The following PHRF1 variants were observed in gnomAD, a reference collection of about 807,000 sequenced individuals.
PHRF1 encodes the protein PHD and RING finger domain-containing protein 1.
Under a neutral mutation model 128.9 loss-of-function variants are expected in PHRF1, and 53 were observed. That is an observed-to-expected ratio of 0.41 (90% CI 0.33 to 0.52). The LOEUF (loss-of-function observed/expected upper bound fraction) is 0.52, where lower values mean the gene tolerates loss of function less well. Ranked by LOEUF, PHRF1 falls within the 20% of genes least tolerant of loss-of-function variation. The pLI is 0.21. For synonymous variants in PHRF1, 1,178 were observed against 980.6 expected, an observed-to-expected ratio of 1.20 and a Z score of -3.76; for missense variants, 2,503 against 2,284.5, an observed-to-expected ratio of 1.10 and a Z score of -1.95.
chr11:585,049 T>C (rs1854447855), intron 3 of PHRF1, among the ~76,000 whole-genome samples: 1 of 152,182 alleles, frequency 6.6e-6, no homozygotes, highest in Non-Finnish European at 1.5e-5. Flanking sequence ...GGACTGTTTT[T>C]TAAACATGAA....
chr11:578,585 A>G (rs1218950863), intron 1 of PHRF1, among the ~76,000 whole-genome samples: 2 of 152,180 alleles, frequency 1.3e-5, no homozygotes, highest in Non-Finnish European at 1.5e-5. Context: ...GGTGGTCCCC[A>G]ATCTCAGTGC....
At position 608,515 on chromosome 11, in the gene PHRF1, G is replaced by T; in HGVS notation, c.3059G>T (p.Gly1020Val). Residue 1020 changes from glycine to valine, a missense_variant, in exon 14 of 18, where the codon GGG (glycine) becomes GTG (valine). Coordinates refer to ENST00000264555, the MANE Select transcript of PHRF1 (RefSeq NM_001286581.2). ...VSREHGRTRS[G>V]TRSESRDRSS... ...AGGGAGCACGGACGGACGCGCTCTG[G>T]GACGCGCTCTGAATCCAGGGACAGG... is the stretch of plus-strand genomic sequence containing the variant. 1.3e-6 allele frequency: 2 copies of T among 1,537,170 alleles called. No individual in the cohort carries two copies. The highest frequency in any genetic ancestry group is 1.8e-6 in the Non-Finnish European group (2 of 1,135,452).
intron 9 of PHRF1, among the ~76,000 whole-genome samples, chr11:600,193 T>C (rs939685476): frequency 6.6e-6 from 1 of 151,878 alleles, no homozygotes; most frequent in Non-Finnish European, 1.5e-5. Context: ...TGTCAGGCTC[T>C]GTTCTTCGGT....
intron 4 of PHRF1, among the ~76,000 whole-genome samples, chr11:589,658 G>A (rs377273605): frequency 1.3e-5 from 2 of 152,340 alleles, no homozygotes; most frequent in Admixed American, 6.5e-5. Flanking sequence ...TCAAGATCTC[G>A]GACTAGAAAG....
chr11:587,638 G>T (rs1263725454), intron 4 of PHRF1, among the ~76,000 whole-genome samples, 174 bp downstream of exon 4: 1 of 152,154 alleles, frequency 6.6e-6, no homozygotes, highest in African/African-American at 2.4e-5. Context: ...CATGGCTCTT[G>T]GGGGTGTGGG....
At chr11:578,750 A>G (rs762698622) in intron 1 of PHRF1, among the ~76,000 whole-genome samples, 1 of 152,106 alleles carries the variant, frequency 6.6e-6, no homozygotes, top group Non-Finnish European at 1.5e-5. Flanking sequence ...CGGTTTTGCC[A>G]TGTTGCCCAG....
chr11:579,785 T>C (rs115920222), intron 1 of PHRF1, among the ~76,000 whole-genome samples: 34 of 152,332 alleles, frequency 2.2e-4, no homozygotes, highest in African/African-American at 7.7e-4. Flanking sequence ...AGTAGTAAGA[T>C]TTGGCAGTTG....
intron 10 of PHRF1, among the ~76,000 whole-genome samples, chr11:601,904 G>GT (rs1488860335): frequency 6.6e-6 from 1 of 152,240 alleles, no homozygotes; most frequent in Non-Finnish European, 1.5e-5. Context: ...TGAAGATGGG[G>GT]TTGAGGCCAG....
At chr11:599,435 G>A (rs12281144) in intron 9 of PHRF1, among the ~76,000 whole-genome samples, 1 of 151,788 alleles carries the variant, frequency 6.6e-6, no homozygotes, top group Non-Finnish European at 1.5e-5. Flanking sequence ...ATTTTTAGTA[G>A]AGATGGGGCT....
chr11:592,708 G>A (rs778390460), intron 6 of PHRF1, 34 bp downstream of exon 6: 1 of 1,602,468 alleles, frequency 6.2e-7, no homozygotes, highest in South Asian at 1.1e-5. Flanking sequence ...CACGTGCCCT[G>A]CTGCGTGCAA....
At position 582,049 on chromosome 11, in the gene PHRF1, C is replaced by T. The variant is rs571396016; in HGVS notation, c.182C>T (p.Ala61Val). Residue 61 changes from alanine to valine, a missense_variant, in exon 3 of 18, where the codon GCG becomes GTG. Transcript: ENST00000264555. ...GDGTDGEDEG[A>V]SEEEDLEDRS... is the part of the protein sequence containing the mutation. ...GGCACAGACGGAGAAGACGAGGGGG[C>T]GTCTGAGGAGGAAGACCTGGAAGAC... 14 of 1,603,538 alleles carry T rather than the reference C, an allele frequency of 8.7e-6. No homozygotes were observed. Among genetic ancestry groups the T allele is most frequent in the East Asian group, 4.5e-5 (2 of 44,438 alleles).
chr11:597,338 T>A lies in PHRF1; in HGVS notation c.719-57T>A, dbSNP rs906902470. On this transcript the variant is annotated intron_variant, in intron 7 of 17. Transcript: ENST00000264555. This position sits in a 1 kb window ranked among gnomAD's most constrained non-coding sequence, Gnocchi z 6.5. ...TGGCCGGCAGCCACAGGGGGAGCCGTTGGGGGAGGCGTGTGGCCTGTGAGT... is the reference window on the plus strand; with the variant it reads ...TGGCCGGCAGCCACAGGGGGAGCCGATGGGGGAGGCGTGTGGCCTGTGAGT... 3 of 1,562,032 alleles carry A rather than the reference T, an allele frequency of 1.9e-6. No individual in the cohort carries two copies. The highest frequency in any genetic ancestry group is 2.6e-6 in the Non-Finnish European group (3 of 1,150,740).
chr11:577,049 T>G (rs1165284639), intron 1 of PHRF1, among the ~76,000 whole-genome samples: 2 of 152,214 alleles, frequency 1.3e-5, no homozygotes, highest in African/African-American at 4.8e-5. Flanking sequence ...GAGAGAGCTG[T>G]GACTTCGTTG....
intron 13 of PHRF1, 135 bp from the exon 14 acceptor site, chr11:606,931 G>C: frequency 1.5e-6 from 2 of 1,377,772 alleles, no homozygotes; most frequent in Non-Finnish European, 1.9e-6. Context: ...GGAAAGGCGA[G>C]GTGTCCACCT....
At position 597,573 on chromosome 11, in the gene PHRF1, G is replaced by A. The variant is rs1042392659; in HGVS notation, c.894+3G>A. The A allele has an allele frequency of 3.1e-6, 5 of 1,609,398 alleles. No individual in the cohort carries two copies. The highest frequency in any genetic ancestry group is 4.2e-6 in the Non-Finnish European group (5 of 1,178,536). On this transcript the variant is annotated splice_donor_region_variant and intron_variant, in intron 8 of 17. Transcript: ENST00000264555. The surrounding 1 kb of genome is among the most constrained non-coding windows in gnomAD (Gnocchi z 6.5). Reference sequence around the variant, plus strand: ...TCTCCACGGCCAGGAGGGTCCAGGTGGGTGGCCCAGCCCTGACGCCAGTCG... The same window carrying A: ...TCTCCACGGCCAGGAGGGTCCAGGTAGGTGGCCCAGCCCTGACGCCAGTCG...
At chr11:610,039 G>A (rs1316761078) in intron 14 of PHRF1, among the ~76,000 whole-genome samples, 157 bp from the exon 15 acceptor site, 1 of 152,220 alleles carries the variant, frequency 6.6e-6, no homozygotes, top group Admixed American at 6.5e-5. Context: ...CTAGGAGCTG[G>A]CACACCTCGC....
rs568328129 is a variant in PHRF1 at position 608,221 on chromosome 11, C to T, written c.2765C>T (p.Pro922Leu). The T allele has an allele frequency of 1.9e-5, 30 of 1,609,586 alleles. No individual in the cohort carries two copies. Among genetic ancestry groups the T allele is most frequent in the Non-Finnish European group, 2.4e-5 (28 of 1,179,812 alleles). ...GCCTCTGACACGGAGCGAGAGGAGC[C>T]CACAGAGAGCCAGGGCCTGGCTGCC... ...EGASDTEREE[P>L]TESQGLAARL... The change falls in exon 14 of 18, where the codon CCC (proline) becomes CTC (leucine). Residue 922 changes from proline to leucine, a missense_variant. Coordinates refer to ENST00000264555, the MANE Select transcript of PHRF1 (RefSeq NM_001286581.2).
At position 610,633 on chromosome 11, in the gene PHRF1, A is replaced by T. The variant is rs768485724; in HGVS notation, c.4549A>T (p.Thr1517Ser). The T allele has an allele frequency of 2.4e-5, 38 of 1,605,030 alleles. No individual in the cohort carries two copies. Among genetic ancestry groups the T allele is most frequent in the Non-Finnish European group, 3.2e-5 (38 of 1,179,778 alleles). ...GCTAGTGGGCTGTGGGGCAGCACAG[A>T]CCCTGGCCCCAGTGCCCGCTGCCCT... is the stretch of plus-strand genomic sequence containing the variant. ...LPLVGCGAAQTLAPVPAALTP... is the reference protein window; with the variant it reads ...LPLVGCGAAQSLAPVPAALTP... Residue 1517 changes from threonine (T) to serine (S), a missense_variant, in exon 16 of 18, where the codon ACC becomes TCC. Coordinates refer to ENST00000264555, the MANE Select transcript of PHRF1 (RefSeq NM_001286581.2).
intron 6 of PHRF1, among the ~76,000 whole-genome samples, chr11:595,703 G>C (rs930981831): frequency 1.3e-5 from 2 of 152,246 alleles, no homozygotes; most frequent in Non-Finnish European, 2.9e-5. Context: ...CCTTCTGCTC[G>C]GGCCTCAGGT....
Sources: gnomAD v4.1 joint callset for allele counts (sites outside exome capture counted in the v4.1 genomes callset) on GRCh38, gnomAD v4.1.1 for gene constraint, Gnocchi (gnomAD v3.1) non-coding constraint, MANE v1.5 for transcripts, NCBI Gene and HGNC (gene_info 2026-07-23, HGNC 2026-07-21) for gene names.